The following LRP1B variants were observed in gnomAD, a reference collection of about 807,000 sequenced individuals.
LRP1B encodes low-density lipoprotein receptor-related protein 1B.
LRP1B carries 217 observed loss-of-function variants against 556.6 expected under a neutral mutation model. The ratio of observed to expected loss-of-function variants is 0.39; its 90% CI spans 0.35 to 0.44. The LOEUF (loss-of-function observed/expected upper bound fraction) is 0.44. LRP1B is among the 20% of genes least tolerant of loss of function. LRP1B has a pLI of 1.00. For missense variants in LRP1B, 5,053 were observed against 5,620.8 expected (o/e 0.90, Z 3.23); for synonymous variants, 2,047 against 1,865.8 (o/e 1.10, Z -2.50).
intron 1 of LRP1B, among the ~76,000 whole-genome samples, chr2:141,818,138 A>G (rs1696621706): frequency 6.6e-6 from 1 of 152,204 alleles, no homozygotes; most frequent in Non-Finnish European, 1.5e-5. Flanking sequence ...CATAACTGCT[A>G]AAAGAGAAAT....
intron 2 of LRP1B, among the ~76,000 whole-genome samples, chr2:141,520,014 C>G (rs1421654449): frequency 6.6e-6 from 1 of 152,068 alleles, no homozygotes; most frequent in Non-Finnish European, 1.5e-5. Context: ...AATGTATTTT[C>G]TCTTTGATTT....
intron 2 of LRP1B, among the ~76,000 whole-genome samples, chr2:141,806,446 G>C (rs1696171523): frequency 1.3e-5 from 2 of 151,840 alleles, no homozygotes; most frequent in South Asian, 2.1e-4. Flanking sequence ...AGAAATAAAG[G>C]CTTTCATTTT....
intron 1 of LRP1B, among the ~76,000 whole-genome samples, chr2:142,126,904 G>A (rs199513541): frequency 6.6e-6 from 1 of 151,810 alleles, no homozygotes; most frequent in Non-Finnish European, 1.5e-5. Flanking sequence ...CCCCTGGGCT[G>A]AGAAAAGAAA....
At chr2:142,059,923 T>C (rs1237934813) in intron 1 of LRP1B, among the ~76,000 whole-genome samples, 1 of 152,086 alleles carries the variant, frequency 6.6e-6, no homozygotes, top group Non-Finnish European at 1.5e-5. Context: ...AAAGTTTATT[T>C]AGAGTGTTGA....
chr2:140,566,100 G>A (rs1681115510), intron 43 of LRP1B, among the ~76,000 whole-genome samples: 1 of 152,144 alleles, frequency 6.6e-6, no homozygotes, highest in Admixed American at 6.6e-5. Context: ...GGCTCCAGAG[G>A]TGAGTGGCCA....
chr2:142,092,282 A>G (rs1390317658), intron 1 of LRP1B, among the ~76,000 whole-genome samples: 2 of 152,160 alleles, frequency 1.3e-5, no homozygotes, highest in Non-Finnish European at 2.9e-5. Context: ...TTGTTTAAAA[A>G]TATGTACTTT....
intron 3 of LRP1B, among the ~76,000 whole-genome samples, chr2:141,450,203 C>T (rs1681363708): frequency 6.6e-6 from 1 of 152,168 alleles, no homozygotes; most frequent in Non-Finnish European, 1.5e-5. Flanking sequence ...TTTCTATCTA[C>T]TGCCTTTGTT....
At chr2:140,933,407 T>G (rs1251993456) in intron 20 of LRP1B, among the ~76,000 whole-genome samples, 2 of 152,108 alleles carry the variant, frequency 1.3e-5, no homozygotes, top group East Asian at 3.9e-4. Flanking sequence ...GTTATTCATG[T>G]TTTTTGTCTC....
chr2:140,433,893 T>C (rs1686059615), intron 66 of LRP1B, among the ~76,000 whole-genome samples: 1 of 151,972 alleles, frequency 6.6e-6, no homozygotes, highest in African/African-American at 2.4e-5. Context: ...AAGGAACATT[T>C]AAATACTGGG....
At chr2:141,362,817 T>TA (rs372926853) in intron 3 of LRP1B, among the ~76,000 whole-genome samples, 2,424 of 138,658 alleles carry the variant, frequency 0.017, 17 homozygotes, top group Middle Eastern at 0.031. Flanking sequence ...TTGCATTAAT[T>TA]AAAAAAAAAA....
chr2:140,410,208 TTCTC>T (rs756949888), intron 66 of LRP1B, among the ~76,000 whole-genome samples: 9 of 152,076 alleles, frequency 5.9e-5, no homozygotes, highest in Non-Finnish European at 1.2e-4. Flanking sequence ...CTCCTTCTCC[TTCTC>T]TCTTTTTTTA....
In LRP1B at chr2:140,902,731, T is replaced by C. The variant is rs141260891; in HGVS notation, c.3766+189A>G. 5.0e-3 allele frequency among the ~76,000 whole-genome samples: 761 copies of C among 152,300 alleles called. 6 individuals carry two copies. Among genetic ancestry groups the C allele is most frequent in the African/African-American group, 0.018 (742 of 41,576 alleles). On this transcript the variant is annotated intron_variant, in intron 23 of 90. Transcript: ENST00000389484. ...AATCTGATGGTAACAATTCAATGGA[T>C]AGCAAAAGTAAGGATTATTATATTT...
At chr2:141,298,173 C>A (rs1157648922) in intron 3 of LRP1B, among the ~76,000 whole-genome samples, 3 of 152,112 alleles carry the variant, frequency 2.0e-5, no homozygotes, top group African/African-American at 4.8e-5. Context: ...AATAATAATT[C>A]TTGAAGAAAT....
In LRP1B at chr2:141,059,621, T is replaced by A. The variant is rs201731032; in HGVS notation, c.1237-567A>T. On this transcript the variant is annotated intron_variant, in intron 8 of 90. Coordinates refer to ENST00000389484, the MANE Select transcript of LRP1B (RefSeq NM_018557.3). Reference sequence around the variant, plus strand: ...CATATTTGCAATCATTGTAAATAAATGTCAACATTTCACTCAGAAATTTCA... The same window carrying A: ...CATATTTGCAATCATTGTAAATAAAAGTCAACATTTCACTCAGAAATTTCA... Among the ~76,000 whole-genome samples, 4 of 151,940 alleles carry A rather than the reference T, an allele frequency of 2.6e-5. No homozygotes were observed. In the East Asian group the frequency reaches 5.8e-4, roughly 22 times the overall value.
chr2:141,878,620 A>G (rs1474990034), intron 1 of LRP1B, among the ~76,000 whole-genome samples: 1 of 151,988 alleles, frequency 6.6e-6, no homozygotes, highest in Non-Finnish European at 1.5e-5. Flanking sequence ...GGTGTTGATA[A>G]AGTCATATAT....
At chr2:141,782,489 A>G (rs1695285962) in intron 2 of LRP1B, among the ~76,000 whole-genome samples, 1 of 142,716 alleles carries the variant, frequency 7.0e-6, no homozygotes, top group South Asian at 2.2e-4. Flanking sequence ...GGTTTGTAAC[A>G]CATTTCTTTG....
intron 1 of LRP1B, among the ~76,000 whole-genome samples, chr2:141,910,645 A>T (rs969971551): frequency 3.9e-5 from 6 of 152,122 alleles, no homozygotes; most frequent in African/African-American, 1.4e-4. Flanking sequence ...ATATAATTAT[A>T]TAGTTTATCT....
intron 2 of LRP1B, among the ~76,000 whole-genome samples, chr2:141,796,693 G>A (rs1695824454): frequency 6.6e-6 from 1 of 150,794 alleles, no homozygotes; most frequent in Non-Finnish European, 1.5e-5. Flanking sequence ...AACAGAGACA[G>A]CTATATTATA....
intron 2 of LRP1B, among the ~76,000 whole-genome samples, chr2:141,670,089 G>GA (rs1013728003): frequency 1.6e-4 from 24 of 152,044 alleles, no homozygotes; most frequent in African/African-American, 5.6e-4. Flanking sequence ...TAAACGAAGT[G>GA]AAAAAACCTC....
Sources: allele counts gnomAD v4.1 joint callset (sites outside exome capture counted in the v4.1 genomes callset), GRCh38; gene constraint gnomAD v4.1.1; transcripts MANE v1.5; gene names NCBI Gene and HGNC (gene_info 2026-07-23, HGNC 2026-07-21).